The following WARS1 variants were observed in gnomAD, a reference collection of about 807,000 sequenced individuals.
The protein encoded by WARS1 is tryptophanyl-tRNA synthetase 1, also known as tryptophan--tRNA ligase, cytoplasmic.
WARS1 carries 17 observed loss-of-function variants against 47.8 expected under a neutral mutation model. The observed-to-expected ratio is 0.36, with a 90% CI of 0.24 to 0.53. WARS1 has a LOEUF of 0.53. WARS1 is among the 20% of genes least tolerant of loss of function. WARS1 has a pLI of 0.91. For missense variants in WARS1, 434 were observed against 608.0 expected (o/e 0.71, Z 3.01); for synonymous variants, 208 against 228.1 (o/e 0.91, Z 0.79).
intron 10 of WARS1, among the ~76,000 whole-genome samples, chr14:100,336,252 G>T (rs1893720458): frequency 1.4e-5 from 2 of 146,276 alleles, no homozygotes; most frequent in South Asian, 4.4e-4. Flanking sequence ...CTCCAGCCTG[G>T]GTGACAGAGC....
intron 2 of WARS1, chr14:100,368,608 G>T (rs1406924379): frequency 7.3e-6 from 3 of 408,352 alleles, no homozygotes; most frequent in African/African-American, 6.2e-5. Flanking sequence ...AAGGCTTTGA[G>T]AACCCCTGAC....
intron 10 of WARS1, among the ~76,000 whole-genome samples, chr14:100,335,506 T>G (rs1893660527): frequency 6.6e-6 from 1 of 151,958 alleles, no homozygotes; most frequent in Non-Finnish European, 1.5e-5. Context: ...GCCTCCTGAG[T>G]AGCTGGGATT....
intron 7 of WARS1, among the ~76,000 whole-genome samples, chr14:100,343,860 CTT>C (rs1894341175): frequency 6.6e-6 from 1 of 152,158 alleles, no homozygotes; most frequent in Non-Finnish European, 1.5e-5. Context: ...GTCTCAATCT[CTT>C]GACCTCGTGA....
At position 100,355,546 on chromosome 14, in the gene WARS1, C is replaced by T. The variant is rs571237185; in HGVS notation, c.423-980G>A. Among the ~76,000 whole-genome samples the T allele has an allele frequency of 5.9e-5, 9 of 152,166 alleles. 2 individuals carry two copies. Among genetic ancestry groups the T allele is most frequent in the South Asian group, 2.1e-4 (1 of 4,818 alleles). On this transcript the variant is annotated intron_variant, in intron 4 of 10. Coordinates refer to ENST00000392882, the MANE Select transcript of WARS1 (RefSeq NM_004184.4). ...GGGAATTTGTATTTTTAAAAAGCTC[C>T]GTGAGGAGTTCCAATGTTCAGCAGG...
chr14:100,376,300 C>A, upstream of WARS1: 4 of 1,028,360 alleles, frequency 3.9e-6, no homozygotes, highest in Non-Finnish European at 5.0e-6. Flanking sequence ...GCTCAGCAAC[C>A]GGCTGTCTCC....
rs1895599115 is a variant in WARS1 at position 100,360,560 on chromosome 14, GAGA to G, written c.413_415del (p.Phe138del). 6.2e-7 allele frequency: 1 copy of G among 1,612,676 alleles called. No homozygotes were observed. Among genetic ancestry groups the G allele is most frequent in the Non-Finnish European group, 8.5e-7 (1 of 1,178,892 alleles). ...GTGGTGAAGAGCCCCTGACCTGTGT[GAGA>G]AGAAGATGCCTCTGCGCAGGAAGTG... On this transcript the variant is annotated inframe_deletion, in exon 4 of 11. Coordinates refer to ENST00000392882, the MANE Select transcript of WARS1 (RefSeq NM_004184.4).
chr14:100,334,756 G>T lies in WARS1; in HGVS notation c.*119C>A. On this transcript the variant is annotated 3_prime_UTR_variant, in exon 11 of 11. Coordinates refer to ENST00000392882, the MANE Select transcript of WARS1 (RefSeq NM_004184.4). ...TGATAACATACACAGGCTTACAGAG[G>T]CCAGGCCCAGTAATTACCATGAGAC... 1 of 1,199,788 alleles carries T rather than the reference G, an allele frequency of 8.3e-7. No individual in the cohort carries two copies. The highest frequency in any genetic ancestry group is 1.2e-6 in the Non-Finnish European group (1 of 846,688). The allele number at this position is 1,199,788 out of a possible 1,614,324, so 74.3% of individuals were successfully genotyped here. A position where few individuals can be genotyped will look rare whatever the true frequency, so the allele number is the denominator to read the frequency against.
chr14:100,339,126 C>CACACACACACACAT (rs1555377672), intron 9 of WARS1, among the ~76,000 whole-genome samples: 11 of 130,606 alleles, frequency 8.4e-5, no homozygotes, highest in African/African-American at 1.4e-4. Context: ...CACACACATA[C>CACACACACACACAT]ACACACACAC....
chr14:100,342,434 G>A lies in WARS1; in HGVS notation c.1077C>T (p.Ile359=), dbSNP rs1352923777. The A allele has an allele frequency of 6.2e-7, 1 of 1,614,118 alleles. No individual in the cohort carries two copies. The highest frequency in any genetic ancestry group is 8.5e-7 in the Non-Finnish European group (1 of 1,179,994). ...TCTGCTTGGCCGTGTCGGTGAGGAA[G>A]ATGGAGGAGTTGGGGTCGCTGGCAC... ...KMSASDPNSS[I]FLTDTAKQIK... Residue 359 remains isoleucine, a synonymous_variant, in exon 9 of 11, where the codon ATC becomes ATT. Transcript: ENST00000392882.
chr14:100,343,224 C>T, intron 8 of WARS1, 51 bp downstream of exon 8: 2 of 1,489,204 alleles, frequency 1.3e-6, no homozygotes, highest in Non-Finnish European at 1.8e-6. Flanking sequence ...GTAAGAGGAA[C>T]CTGCTGTCAA....
rs1297971446 is a variant in WARS1, at chr14:100,373,823, CTTGTGT to C, written c.-74+1454_-74+1459del. ...TGGGAATCATCCACACTATTGAAAT[CTTGTGT>C]GTGTGTGTGTGTGTGTGTGTGTGTG... On this transcript the variant is annotated intron_variant, in intron 1 of 10. Coordinates refer to ENST00000392882, the MANE Select transcript of WARS1 (RefSeq NM_004184.4). The surrounding 1 kb of genome is among the most constrained non-coding windows in gnomAD (Gnocchi z 4.4). Among the ~76,000 whole-genome samples, 1 of 98,980 alleles carries C rather than the reference CTTGTGT, an allele frequency of 1.0e-5. No homozygotes were observed. The highest frequency in any genetic ancestry group is 4.0e-5 in the African/African-American group (1 of 25,112). The allele number at this position is 98,980 out of a possible 152,430, so 64.9% of individuals were successfully genotyped here.
At chr14:100,336,693 T>C (rs1295980927) in intron 10 of WARS1, 1 of 169,170 alleles carries the variant, frequency 5.9e-6, no homozygotes, top group Non-Finnish European at 1.3e-5. Flanking sequence ...CACTTGAGTG[T>C]GCCTTGAAGC....
intron 7 of WARS1, 65 bp from the exon 8 acceptor site, chr14:100,343,452 A>G: frequency 3.3e-6 from 4 of 1,225,230 alleles, no homozygotes; most frequent in African/African-American, 1.5e-5. Flanking sequence ...TTAATAAAGG[A>G]ATGAACAAAA....
intron 1 of WARS1, chr14:100,370,607 C>T (rs777425823): frequency 1.3e-5 from 2 of 152,028 alleles, no homozygotes; most frequent in Non-Finnish European, 2.9e-5. Context: ...TTCTAAGCAC[C>T]GTATATGTAT....
intron 9 of WARS1, among the ~76,000 whole-genome samples, chr14:100,339,339 C>A (rs1003692303): frequency 5.3e-5 from 8 of 152,102 alleles, no homozygotes; most frequent in Admixed American, 3.9e-4. Context: ...CGCCTGTAAT[C>A]CCAGCACTTT....
At chr14:100,358,069 T>C (rs1895439062) in intron 4 of WARS1, among the ~76,000 whole-genome samples, 1 of 152,178 alleles carries the variant, frequency 6.6e-6, no homozygotes, top group African/African-American at 2.4e-5. Context: ...CTGAAATTCA[T>C]ATGGAAATGC....
intron 1 of WARS1, among the ~76,000 whole-genome samples, chr14:100,372,767 A>G (rs2140102966): frequency 6.6e-6 from 1 of 152,312 alleles, no homozygotes; most frequent in East Asian, 1.9e-4. Flanking sequence ...AATAGCAGAC[A>G]AGAGGCTGAT....
At chr14:100,353,336 CA>C (rs2140000537) in intron 6 of WARS1, among the ~76,000 whole-genome samples, 1 of 152,232 alleles carries the variant, frequency 6.6e-6, no homozygotes, top group South Asian at 2.1e-4. Context: ...CTGTAACCTC[CA>C]CCTCCCGGGT....
rs142506013 is a variant in WARS1, at chr14:100,359,118, A to G, written c.422+1436T>C. On this transcript the variant is annotated intron_variant, in intron 4 of 10. Coordinates refer to ENST00000392882, the MANE Select transcript of WARS1 (RefSeq NM_004184.4). Reference sequence around the variant, plus strand: ...TGTAGAAAAGTCTGTCAGTTCCTCAAAGAGTTAAACATGGAATTACTATAT... The same window carrying G: ...TGTAGAAAAGTCTGTCAGTTCCTCAGAGAGTTAAACATGGAATTACTATAT... 6.2e-3 allele frequency among the ~76,000 whole-genome samples: 938 copies of G among 152,364 alleles called. 6 individuals are homozygous for G. Among genetic ancestry groups the G allele is most frequent in the Middle Eastern group, 0.01 (3 of 294 alleles).
Sources: allele counts gnomAD v4.1 joint callset (sites outside exome capture counted in the v4.1 genomes callset), GRCh38; gene constraint gnomAD v4.1.1; non-coding constraint Gnocchi (gnomAD v3.1); transcripts MANE v1.5; gene names NCBI Gene and HGNC (gene_info 2026-07-23, HGNC 2026-07-21).